Variants in NTM observed in about 807,000 individuals in gnomAD.
NTM encodes IgLON family member 2.
Under a neutral mutation model 42.1 loss-of-function variants are expected in NTM, and 13 were observed. That is an observed-to-expected ratio of 0.31 (90% CI 0.20 to 0.49). The LOEUF is 0.49. Ranked by LOEUF, NTM falls within the 20% of genes least tolerant of loss-of-function variation. NTM has a pLI of 0.99. For synonymous variants in NTM, 187 were observed against 179.2 expected (o/e 1.04, Z -0.35); for missense variants, 373 against 452.8 (o/e 0.82, Z 1.60).
intron 3 of NTM, among the ~76,000 whole-genome samples, chr11:132,177,401 AG>A (rs1456322680): frequency 6.6e-6 from 1 of 152,194 alleles, no homozygotes; most frequent in East Asian, 1.9e-4. Context: ...ATGATCCAAT[AG>A]CTTTAACATT....
At chr11:132,087,719 A>G (rs2059900930) in intron 2 of NTM, among the ~76,000 whole-genome samples, 1 of 152,054 alleles carries the variant, frequency 6.6e-6, no homozygotes, top group Non-Finnish European at 1.5e-5. Context: ...AACTCCCGAC[A>G]GGGTGGAGCA....
chr11:131,866,194 C>T (rs1026528204), intron 1 of NTM, among the ~76,000 whole-genome samples: 3 of 151,900 alleles, frequency 2.0e-5, no homozygotes, highest in African/African-American at 7.3e-5. Flanking sequence ...CTGTTCACAC[C>T]CTCATGCTGC....
intron 1 of NTM, among the ~76,000 whole-genome samples, chr11:131,411,539 CCGTGTG>C (rs1437058800): frequency 1.2e-5 from 1 of 82,048 alleles, no homozygotes; most frequent in African/African-American, 4.8e-5. Context: ...TTAGGGGGGG[CCGTGTG>C]TGTGTGTGTG....
At chr11:131,614,874 G>A (rs1219358195) in intron 1 of NTM, among the ~76,000 whole-genome samples, 1 of 152,216 alleles carries the variant, frequency 6.6e-6, no homozygotes, top group Non-Finnish European at 1.5e-5. Flanking sequence ...GTGACCAGCA[G>A]CACTGGCCCT....
chr11:131,641,459 C>A (rs533200852), intron 1 of NTM, among the ~76,000 whole-genome samples: 18 of 152,300 alleles, frequency 1.2e-4, no homozygotes, highest in African/African-American at 4.1e-4. Flanking sequence ...AGAGCTGCGA[C>A]CTACCTCTAC....
At chr11:131,734,340 T>C (rs917079925) in intron 1 of NTM, among the ~76,000 whole-genome samples, 1 of 152,234 alleles carries the variant, frequency 6.6e-6, no homozygotes, top group Non-Finnish European at 1.5e-5. Context: ...ATCCAGTACA[T>C]TGCCCTTGAC....
intron 2 of NTM, among the ~76,000 whole-genome samples, chr11:132,128,538 A>G: frequency 6.6e-6 from 1 of 152,014 alleles, no homozygotes; most frequent in East Asian, 1.9e-4. Flanking sequence ...AGGAGCCTCA[A>G]AGAATCTTCC....
intron 1 of NTM, among the ~76,000 whole-genome samples, chr11:131,669,850 G>A (rs1035906627): frequency 6.6e-6 from 1 of 152,194 alleles, no homozygotes; most frequent in Admixed American, 6.5e-5. Flanking sequence ...TGACTTCACG[G>A]CTTAGAAGGT....
intron 4 of NTM, among the ~76,000 whole-genome samples, chr11:132,259,712 T>A (rs2092727027): frequency 6.6e-6 from 1 of 151,708 alleles, no homozygotes; most frequent in South Asian, 2.1e-4. Flanking sequence ...TGATCACCAA[T>A]AAATCAACTA....
chr11:132,197,619 G>A (rs904831792), intron 3 of NTM, among the ~76,000 whole-genome samples: 8 of 150,620 alleles, frequency 5.3e-5, no homozygotes, highest in African/African-American at 2.0e-4. Flanking sequence ...ATTGACATTA[G>A]GTATATCTCC....
chr11:131,657,073 C>T (rs1016054979), intron 1 of NTM, among the ~76,000 whole-genome samples: 1 of 151,726 alleles, frequency 6.6e-6, no homozygotes, highest in Non-Finnish European at 1.5e-5. Context: ...GAAGGTCAAG[C>T]CCTTCAGATG....
At chr11:131,860,490 A>C (rs1231862467) in intron 1 of NTM, among the ~76,000 whole-genome samples, 2 of 152,224 alleles carry the variant, frequency 1.3e-5, no homozygotes, top group East Asian at 3.9e-4. Flanking sequence ...TCAGAGTCTA[A>C]GGTCTTAACT....
chr11:131,953,695 G>T (rs1333493779), intron 2 of NTM, among the ~76,000 whole-genome samples: 1 of 152,012 alleles, frequency 6.6e-6, no homozygotes, highest in Non-Finnish European at 1.5e-5. Flanking sequence ...ATGATCACAG[G>T]CACTCAGGCT....
chr11:131,739,200 T>A (rs1453053452), intron 1 of NTM, among the ~76,000 whole-genome samples: 1 of 151,692 alleles, frequency 6.6e-6, no homozygotes, highest in East Asian at 1.9e-4. Context: ...TTTTTTTTTT[T>A]AAAGAGTCCA....
At chr11:131,639,831 C>T (rs978096282) in intron 1 of NTM, among the ~76,000 whole-genome samples, 1 of 152,056 alleles carries the variant, frequency 6.6e-6, no homozygotes, top group Admixed American at 6.5e-5. Context: ...TGGCGGGCGC[C>T]TGTAGTCCCA....
At chr11:131,460,540 GCTTT>G (rs953520225) in intron 1 of NTM, among the ~76,000 whole-genome samples, 6 of 152,042 alleles carry the variant, frequency 3.9e-5, no homozygotes, top group African/African-American at 1.4e-4. Flanking sequence ...CCAGGAGAGT[GCTTT>G]CTTTCTTTTT....
chr11:131,980,030 CACA>C (rs2065006104), intron 2 of NTM, among the ~76,000 whole-genome samples: 1 of 152,130 alleles, frequency 6.6e-6, no homozygotes, highest in East Asian at 1.9e-4. Context: ...CTTGTAGATG[CACA>C]ACGATTCCTT....
chr11:131,687,351 A>C (rs1359485057), intron 1 of NTM, among the ~76,000 whole-genome samples: 1 of 151,624 alleles, frequency 6.6e-6, no homozygotes, highest in African/African-American at 2.4e-5. Context: ...TGCCCCTTCC[A>C]ATTGCGGCTT....
chr11:132,223,302 T>C (rs916193881), intron 4 of NTM, among the ~76,000 whole-genome samples: 1 of 152,110 alleles, frequency 6.6e-6, no homozygotes, highest in Admixed American at 6.5e-5. Flanking sequence ...CCCTGTAATA[T>C]GTTATATGGT....
Sources: allele counts gnomAD v4.1 joint callset (sites outside exome capture counted in the v4.1 genomes callset), GRCh38; gene constraint gnomAD v4.1.1; transcripts MANE v1.5; gene names NCBI Gene and HGNC (gene_info 2026-07-23, HGNC 2026-07-21).